The following GPR149 variants were observed in gnomAD, a reference collection of about 807,000 sequenced individuals.
GPR149 encodes G protein-coupled receptor 149.
Under a neutral mutation model 50.2 loss-of-function variants are expected in GPR149, and 50 were observed. The ratio of observed to expected loss-of-function variants is 1.00; its 90% CI spans 0.79 to 1.26. The LOEUF (loss-of-function observed/expected upper bound fraction) is 1.26. Ranked by LOEUF, GPR149 falls within the 50% of genes most tolerant of loss-of-function variation. The pLI, the probability that GPR149 is intolerant of heterozygous loss-of-function variation, is 0.00. For synonymous variants in GPR149, 405 were observed against 358.2 expected, an observed-to-expected ratio of 1.13 and a Z score of -1.48; for missense variants, 983 against 895.4, an observed-to-expected ratio of 1.10 and a Z score of -1.25.
intron 3 of GPR149, among the ~76,000 whole-genome samples, chr3:154,385,474 A>C (rs901285949): frequency 6.6e-6 from 1 of 152,172 alleles, no homozygotes; most frequent in Non-Finnish European, 1.5e-5. Flanking sequence ...GGGAGTGAGC[A>C]GGGCAAAAAG....
At chr3:154,419,110 C>A (rs1353735210) in intron 3 of GPR149, among the ~76,000 whole-genome samples, 1 of 151,976 alleles carries the variant, frequency 6.6e-6, no homozygotes, top group Non-Finnish European at 1.5e-5. Flanking sequence ...TCATAGCGAC[C>A]ATTTCAGAGA....
At chr3:154,405,154 ATAAAT>A (rs1559986669) in intron 3 of GPR149, among the ~76,000 whole-genome samples, 1 of 152,232 alleles carries the variant, frequency 6.6e-6, no homozygotes, top group Non-Finnish European at 1.5e-5. Context: ...TAATGATAAA[ATAAAT>A]TTAAACGATA....
intron 3 of GPR149, among the ~76,000 whole-genome samples, chr3:154,359,038 C>T (rs1054796599): frequency 3.3e-5 from 5 of 151,862 alleles, no homozygotes; most frequent in African/African-American, 1.2e-4. Context: ...AATTTTAACC[C>T]TTGTGAAAAA....
intron 3 of GPR149, among the ~76,000 whole-genome samples, chr3:154,408,592 G>C (rs188594015): frequency 9.1e-4 from 138 of 152,224 alleles, no homozygotes; most frequent in African/African-American, 3.2e-3. Context: ...GTGTGACTCA[G>C]CATAGGTAGC....
At chr3:154,388,395 G>A (rs561420538) in intron 3 of GPR149, among the ~76,000 whole-genome samples, 14 of 152,122 alleles carry the variant, frequency 9.2e-5, no homozygotes, top group African/African-American at 2.9e-4. Flanking sequence ...CTTTTCCTAA[G>A]TGTGTTAGGA....
chr3:154,404,446 A>G (rs923049576), intron 3 of GPR149, among the ~76,000 whole-genome samples: 2 of 152,212 alleles, frequency 1.3e-5, no homozygotes, highest in Non-Finnish European at 2.9e-5. Flanking sequence ...ATATCCACAC[A>G]CAGAGTTTTA....
At chr3:154,419,642 T>C in intron 3 of GPR149, among the ~76,000 whole-genome samples, 1 of 151,968 alleles carries the variant, frequency 6.6e-6, no homozygotes. Flanking sequence ...CTGTAAGGGG[T>C]AATCACGAGG....
chr3:154,375,137 C>T (rs1714761220), intron 3 of GPR149, among the ~76,000 whole-genome samples: 2 of 152,124 alleles, frequency 1.3e-5, no homozygotes. Flanking sequence ...TCACTTTACT[C>T]TCCTTTTCCT....
chr3:154,418,877 AT>A (rs986295416), intron 3 of GPR149, among the ~76,000 whole-genome samples: 47 of 152,102 alleles, frequency 3.1e-4, no homozygotes, highest in African/African-American at 1.1e-3. Flanking sequence ...AACCTTTTTA[AT>A]TTAAAATTTT....
intron 2 of GPR149, among the ~76,000 whole-genome samples, chr3:154,422,858 G>T (rs1224667808): frequency 2.0e-5 from 3 of 151,754 alleles, no homozygotes; most frequent in African/African-American, 7.2e-5. Context: ...TTAAGAATGT[G>T]AAAGGTGAAG....
chr3:154,379,035 TCAAGACC>T (rs1714860063), intron 3 of GPR149, among the ~76,000 whole-genome samples: 1 of 1,432 alleles, frequency 7.0e-4, no homozygotes. Context: ...GGTCAGGAGA[TCAAGACC>T]ATCCTGGCTA....
chr3:154,424,402 G>A (rs1251723014), intron 2 of GPR149, among the ~76,000 whole-genome samples: 1 of 151,784 alleles, frequency 6.6e-6, no homozygotes, highest in Middle Eastern at 3.2e-3. Flanking sequence ...GGTTAGCCTT[G>A]ACTCAATGAT....
chr3:154,402,330 C>A (rs569136937), intron 3 of GPR149, among the ~76,000 whole-genome samples: 1 of 151,816 alleles, frequency 6.6e-6, no homozygotes, highest in South Asian at 2.1e-4. Context: ...GGCAGGGGAT[C>A]TTTTGAGTCC....
At chr3:154,364,072 C>T (rs528140948) in intron 3 of GPR149, among the ~76,000 whole-genome samples, 26 of 152,206 alleles carry the variant, frequency 1.7e-4, no homozygotes, top group East Asian at 7.7e-4. Context: ...AGAGAAGAAG[C>T]GAAGCTGCTG....
intron 3 of GPR149, among the ~76,000 whole-genome samples, chr3:154,398,543 C>G (rs1715346284): frequency 6.6e-6 from 1 of 151,832 alleles, no homozygotes; most frequent in African/African-American, 2.4e-5. Context: ...TGTGGTTTTT[C>G]AATTTACACA....
chr3:154,388,426 T>C (rs1283920727), intron 3 of GPR149, among the ~76,000 whole-genome samples: 10 of 152,152 alleles, frequency 6.6e-5, no homozygotes, highest in Non-Finnish European at 1.5e-4. Flanking sequence ...TCTCTACATC[T>C]TTTTTCCTCT....
chr3:154,343,750 T>C (rs1713857021), intron 3 of GPR149, among the ~76,000 whole-genome samples: 1 of 152,100 alleles, frequency 6.6e-6, no homozygotes, highest in African/African-American at 2.4e-5. Flanking sequence ...ACTGAAGAAG[T>C]AGAATCACGT....
chr3:154,388,905 A>C lies in GPR149; in HGVS notation c.1623+32134T>G, dbSNP rs890572456. Among the ~76,000 whole-genome samples the C allele has an allele frequency of 8.5e-5, 9 of 105,956 alleles. No homozygotes were observed. In the East Asian group the frequency reaches 8.7e-4, roughly 10 times the overall value. 69.5% of individuals were successfully genotyped at this position (105,956 alleles called of 152,430 possible). On this transcript the variant is annotated intron_variant, in intron 3 of 3. Coordinates refer to ENST00000389740, the MANE Select transcript of GPR149 (RefSeq NM_001038705.3). The stretch of plus-strand genomic sequence containing the variant: ...ACACACACACACACACACACACACA[A>C]AGAACCACTTCATCTTGCATAAAAG...
rs548318656 is a variant in GPR149 at position 154,421,043 on chromosome 3, C to T, written c.1619G>A (p.Arg540His). 6.1e-5 allele frequency: 98 copies of T among 1,597,402 alleles called. 1 individual carries two copies. The highest frequency in any genetic ancestry group is 1.7e-4 in the Middle Eastern group (1 of 5,994). Residue 540 changes from arginine to histidine, a missense_variant, in exon 3 of 4, where the codon CGT becomes CAT. By Grantham distance (29) the Arg-to-His change is conservative (BLOSUM62 0). Transcript: ENST00000389740. The stretch of plus-strand genomic sequence containing the variant: ...CAAGAACAACTTTTACTGTACCTGA[C>T]GAGGGGTTCTTTCTGATTTACTCCT... ...WCRSKSERTP[R>H]QRSGYALAIP...
Sources: gnomAD v4.1 joint callset for allele counts (sites outside exome capture counted in the v4.1 genomes callset) on GRCh38, gnomAD v4.1.1 for gene constraint, MANE v1.5 for transcripts, NCBI Gene and HGNC (gene_info 2026-07-23, HGNC 2026-07-21) for gene names.